PBRM1: variants seen among roughly 807,000 people sequenced by gnomAD.
The protein encoded by PBRM1 is protein polybromo-1.
A neutral mutation model predicts 194.5 loss-of-function variants in PBRM1; 27 were observed. That is an observed-to-expected ratio of 0.14 (90% CI 0.10 to 0.19). The LOEUF is 0.19. Ranked by LOEUF, PBRM1 falls within the 10% of genes least tolerant of loss-of-function variation. The probability of loss-of-function intolerance (pLI) is 1.00; values close to 1 mark genes in which losing one functional copy is unlikely to be tolerated. For missense variants in PBRM1, 1,466 were observed against 2,077.2 expected, an observed-to-expected ratio of 0.71 and a Z score of 5.72; for synonymous variants, 655 against 693.2, an observed-to-expected ratio of 0.94 and a Z score of 0.87.
upstream of PBRM1, among the ~76,000 whole-genome samples, chr3:52,679,960 A>T (rs754104491): frequency 2.0e-5 from 3 of 152,024 alleles, no homozygotes; most frequent in Non-Finnish European, 4.4e-5. Flanking sequence ...ACAAAAGCAT[A>T]TTCATTTGTA....
At chr3:52,582,802 G>A (rs1050869635) in intron 20 of PBRM1, among the ~76,000 whole-genome samples, 8 of 151,852 alleles carry the variant, frequency 5.3e-5, no homozygotes, top group Non-Finnish European at 8.8e-5. Context: ...CAAACTGCTG[G>A]GTCAAAGACA....
chr3:52,671,104 C>T (rs1162082384), intron 2 of PBRM1, among the ~76,000 whole-genome samples: 4 of 152,192 alleles, frequency 2.6e-5, no homozygotes, highest in Non-Finnish European at 4.4e-5. Context: ...TGTACCTTGA[C>T]AACTTCACAG....
chr3:52,658,831 A>G (rs940532983), intron 4 of PBRM1, among the ~76,000 whole-genome samples: 24 of 152,246 alleles, frequency 1.6e-4, no homozygotes, highest in Admixed American at 6.5e-5. Context: ...TTATTTTTGC[A>G]ATGAAATCCC....
intron 17 of PBRM1, among the ~76,000 whole-genome samples, chr3:52,599,853 A>G (rs1401354736): frequency 2.0e-5 from 3 of 151,592 alleles, no homozygotes; most frequent in African/African-American, 7.3e-5. Context: ...ATTTTTTTTT[A>G]CTGTCAATCT....
intron 1 of PBRM1, among the ~76,000 whole-genome samples, chr3:52,679,152 A>G (rs1038011112): frequency 1.3e-5 from 2 of 152,234 alleles, no homozygotes; most frequent in African/African-American, 4.8e-5. Flanking sequence ...AATTCAGGCC[A>G]AAACAGCCCA....
At chr3:52,587,939 T>G (rs1235117464) in intron 18 of PBRM1, among the ~76,000 whole-genome samples, 5 of 152,054 alleles carry the variant, frequency 3.3e-5, no homozygotes, top group African/African-American at 1.2e-4. Flanking sequence ...CAAGTGATCC[T>G]CCTGCCTCAG....
chr3:52,677,429 T>TTTTTTA (rs2097130428), intron 2 of PBRM1, among the ~76,000 whole-genome samples: 1 of 141,402 alleles, frequency 7.1e-6, no homozygotes, highest in African/African-American at 2.6e-5. Flanking sequence ...TTTTTTTTTT[T>TTTTTTA]GAGATGGAGT....
At chr3:52,581,818 A>C (rs1469881356) in intron 20 of PBRM1, among the ~76,000 whole-genome samples, 3 of 151,558 alleles carry the variant, frequency 2.0e-5, no homozygotes, top group African/African-American at 7.3e-5. Flanking sequence ...TTGTATTTTT[A>C]GTAGAGACAG....
chr3:52,617,014 GATA>G (rs1338423517), intron 14 of PBRM1, among the ~76,000 whole-genome samples: 1 of 152,016 alleles, frequency 6.6e-6, no homozygotes, highest in Non-Finnish European at 1.5e-5. Flanking sequence ...GCTCAGGAAG[GATA>G]AATTACTTAC....
chr3:52,648,708 G>T (rs540837468), intron 6 of PBRM1, among the ~76,000 whole-genome samples: 1 of 152,264 alleles, frequency 6.6e-6, no homozygotes, highest in South Asian at 2.1e-4. Context: ...AGTCAAATAA[G>T]GTAGAAGTTT....
rs2096388502 is a variant in PBRM1, at chr3:52,648,315, A to G, written c.813+29T>C. The G allele has an allele frequency of 2.7e-6, 3 of 1,094,158 alleles. No individual in the cohort carries two copies. The East Asian group carries it at 7.8e-5, about 28-fold the overall frequency. The allele number at this position is 1,094,158 out of a possible 1,614,324, so 67.8% of individuals were successfully genotyped here. A position where few individuals can be genotyped will look rare whatever the true frequency, so the allele number is the denominator to read the frequency against. ...AAATTATCTACTATTACCAAGGAAAACAACAACAACAACAACAACAAAACT... is the reference window on the plus strand; with the variant it reads ...AAATTATCTACTATTACCAAGGAAAGCAACAACAACAACAACAACAAAACT... On this transcript the variant is annotated intron_variant, in intron 7 of 29. Coordinates refer to ENST00000296302, the Ensembl canonical transcript of PBRM1.
chr3:52,628,056 T>TAAA (rs1015988419), intron 12 of PBRM1, among the ~76,000 whole-genome samples: 1 of 152,182 alleles, frequency 6.6e-6, no homozygotes, highest in Admixed American at 6.5e-5. Flanking sequence ...CTTTTCATCT[T>TAAA]AAAACCCCTA....
At chr3:52,628,615 C>T (rs1308421682) in intron 12 of PBRM1, among the ~76,000 whole-genome samples, 1 of 151,816 alleles carries the variant, frequency 6.6e-6, no homozygotes, top group African/African-American at 2.4e-5. Context: ...GGACTACAGG[C>T]GTGTGCCATC....
chr3:52,587,490 A>G, exon 19 of PBRM1: 1 of 1,611,052 alleles, frequency 6.2e-7, no homozygotes, highest in Non-Finnish European at 8.5e-7. Flanking sequence ...TAAAACCAAC[A>G]GCCATACAAC....
At chr3:52,656,750 T>G (rs1004245157) in intron 5 of PBRM1, among the ~76,000 whole-genome samples, 2 of 151,936 alleles carry the variant, frequency 1.3e-5, no homozygotes, top group Non-Finnish European at 2.9e-5. Flanking sequence ...CAACCCAATG[T>G]CCATTGACAG....
At chr3:52,665,942 T>C (rs564498122) in intron 3 of PBRM1, among the ~76,000 whole-genome samples, 9 of 152,184 alleles carry the variant, frequency 5.9e-5, no homozygotes, top group Non-Finnish European at 1.3e-4. Context: ...AGGATTAAGA[T>C]CCTGATTAGC....
Position 52,609,982 on chromosome 3 carries a change from G to A in PBRM1, c.1925-27C>T, listed in dbSNP as rs1371699090. 8.2e-6 allele frequency: 11 copies of A among 1,347,604 alleles called. No homozygotes were observed. Among genetic ancestry groups the A allele is most frequent in the African/African-American group, 1.5e-5 (1 of 68,506 alleles). The allele number at this position is 1,347,604 out of a possible 1,614,324, so 83.5% of individuals were successfully genotyped here. ...TAAAGAGAGATATTTAATGTTAAAT[G>A]AATAAAATAAATGAACCTAAATTTG... is the stretch of plus-strand genomic sequence containing the variant. On this transcript the variant is annotated intron_variant, in intron 15 of 29. Transcript: ENST00000296302. The surrounding 1 kb of genome is among the most constrained non-coding windows in gnomAD (Gnocchi z 4.1).
chr3:52,577,442 A>G, intron 21 of PBRM1, among the ~76,000 whole-genome samples: 1 of 151,122 alleles, frequency 6.6e-6, no homozygotes, highest in African/African-American at 2.4e-5. Context: ...AAAAAAAAAA[A>G]AAAAAAAAAA....
upstream of PBRM1, among the ~76,000 whole-genome samples, chr3:52,682,960 G>A (rs1214349855): frequency 6.6e-6 from 1 of 152,124 alleles, no homozygotes; most frequent in African/African-American, 2.4e-5. Flanking sequence ...AGCGCTTTGG[G>A]AGGCTAAGGC....
Sources: gnomAD v4.1 joint callset for allele counts (sites outside exome capture counted in the v4.1 genomes callset) on GRCh38, gnomAD v4.1.1 for gene constraint, Gnocchi (gnomAD v3.1) non-coding constraint, MANE v1.5 for transcripts, NCBI Gene and HGNC (gene_info 2026-07-23, HGNC 2026-07-21) for gene names.